CLDN18: variants seen among roughly 807,000 people sequenced by gnomAD.
CLDN18 encodes claudin 18, also known as claudin-18.
A neutral mutation model predicts 25.0 loss-of-function variants in CLDN18; 20 were observed. The ratio of observed to expected loss-of-function variants is 0.80; its 90% confidence interval spans 0.56 to 1.16. The LOEUF (loss-of-function observed/expected upper bound fraction) is 1.16. Among genes scored for constraint, CLDN18 ranks in the 50% most tolerant of loss-of-function variants. The pLI is 0.00. For missense variants in CLDN18, 297 were observed against 345.4 expected (o/e 0.86, Z 1.11); for synonymous variants, 125 against 135.6 (o/e 0.92, Z 0.54).
At chr3:138,012,895 G>A (rs878879647) in intron 1 of CLDN18, among the ~76,000 whole-genome samples, 1 of 152,118 alleles carries the variant, frequency 6.6e-6, no homozygotes, top group African/African-American at 2.4e-5. Context: ...GAGTCAGGAG[G>A]GGAGGAAATC....
chr3:137,999,473 C>T (rs1375944989), intron 1 of CLDN18, among the ~76,000 whole-genome samples: 1 of 152,216 alleles, frequency 6.6e-6, no homozygotes, highest in Non-Finnish European at 1.5e-5. Flanking sequence ...GACTGCCTAT[C>T]TCCTGAACAG....
chr3:138,024,811 C>T, intron 3 of CLDN18, 87 bp downstream of exon 3: 2 of 759,406 alleles, frequency 2.6e-6, no homozygotes, highest in Non-Finnish European at 4.4e-6. Flanking sequence ...ATGTGACTGT[C>T]AGTGCCTGAA....
intron 2 of CLDN18, 137 bp downstream of exon 2, chr3:138,023,959 G>A: frequency 1.2e-6 from 1 of 849,642 alleles, no homozygotes; most frequent in East Asian, 2.7e-5. Context: ...GAGTGTGGAG[G>A]TCCAATTGTG....
upstream of CLDN18, among the ~76,000 whole-genome samples, chr3:138,007,304 C>A (rs1204642736): frequency 6.6e-6 from 1 of 152,134 alleles, no homozygotes; most frequent in African/African-American, 2.4e-5. Context: ...ACCCAAATGC[C>A]CATCAATGAT....
chr3:138,029,920 G>C lies in CLDN18; in HGVS notation c.614+13G>C. 1 of 1,479,908 alleles carries C rather than the reference G, an allele frequency of 6.8e-7. No individual in the cohort carries two copies. The highest frequency in any genetic ancestry group is 1.2e-5 in the South Asian group (1 of 83,868). 91.7% of individuals were successfully genotyped at this position (1,479,908 alleles called of 1,614,324 possible). On this transcript the variant is annotated intron_variant, in intron 4 of 4. Transcript: ENST00000183605. ...CAGAAGAAACCAAGTGAGTCTCCCT[G>C]TTCCGCTGCAACCAGACGTTTTATT...
At chr3:138,001,957 A>G (rs1288214562) in intron 1 of CLDN18, among the ~76,000 whole-genome samples, 2 of 152,222 alleles carry the variant, frequency 1.3e-5, no homozygotes, top group Non-Finnish European at 2.9e-5. Flanking sequence ...TGTGAGAGAT[A>G]GTGTTCATTT....
chr3:138,024,719 G>A lies in CLDN18; in HGVS notation c.498G>A (p.Gln166=), dbSNP rs1332028911. The part of the protein sequence containing the change: ...TGMGGMVQTV[Q]TRYTFGAALF... ...TGGGTGGGATGGTGCAGACTGTTCAGACCAGGTAACCTCCTAATCTAGGTC... is the reference window on the plus strand; with the variant it reads ...TGGGTGGGATGGTGCAGACTGTTCAAACCAGGTAACCTCCTAATCTAGGTC... Residue 166 remains glutamine, a synonymous_variant, in exon 3 of 5, where the codon CAG becomes CAA. Coordinates refer to ENST00000183605, the MANE Select transcript of CLDN18 (RefSeq NM_016369.4). 1.1e-5 allele frequency: 18 copies of A among 1,577,800 alleles called. No homozygotes were observed. The highest frequency in any genetic ancestry group is 5.0e-5 in the Admixed American group (3 of 59,418).
intron 2 of CLDN18, 123 bp from the exon 3 acceptor site, chr3:138,024,484 C>T (rs920027075): frequency 1.5e-6 from 1 of 672,194 alleles, no homozygotes; most frequent in African/African-American, 1.8e-5. Flanking sequence ...ATAATCAATG[C>T]TTGGTTATAG....
chr3:138,008,241 G>A (rs1183102811), upstream of CLDN18, among the ~76,000 whole-genome samples: 1 of 150,292 alleles, frequency 6.7e-6, no homozygotes, highest in East Asian at 2.0e-4. Flanking sequence ...GGGGGTGTGT[G>A]GGGGTGTGTG....
intron 1 of CLDN18, among the ~76,000 whole-genome samples, chr3:138,013,994 G>C (rs985660613): frequency 1.3e-5 from 2 of 151,934 alleles, no homozygotes; most frequent in East Asian, 3.9e-4. Flanking sequence ...GGCCATGGGG[G>C]TGGGGGCGGA....
chr3:138,029,114 C>T (rs1460776783), intron 3 of CLDN18, among the ~76,000 whole-genome samples: 7 of 152,182 alleles, frequency 4.6e-5, no homozygotes, highest in African/African-American at 1.7e-4. Context: ...ATACTGAGAA[C>T]TCAAAGAACT....
At chr3:138,029,352 G>C (rs1382942368) in intron 3 of CLDN18, among the ~76,000 whole-genome samples, 1 of 152,034 alleles carries the variant, frequency 6.6e-6, no homozygotes, top group Non-Finnish European at 1.5e-5. Context: ...CACCATGTTG[G>C]CCAGGCTGCT....
At position 138,023,767 on chromosome 3, in the gene CLDN18, G is replaced by A. The variant is rs777032007; in HGVS notation, c.330G>A (p.Glu110=). ...ALKCIRIGSM[E]DSAKANMTLT... ...AATGCATCCGCATTGGCAGCATGGA[G>A]GACTCTGCCAAAGCCAACATGACAC... The change falls in exon 2 of 5, where the codon GAG becomes GAA. Residue 110 remains glutamate (E), a synonymous_variant. Transcript: ENST00000183605. 1.9e-6 allele frequency: 3 copies of A among 1,614,058 alleles called. No homozygotes were observed. The highest frequency in any genetic ancestry group is 2.5e-6 in the Non-Finnish European group (3 of 1,179,986).
chr3:138,024,537 C>A, intron 2 of CLDN18, 70 bp from the exon 3 acceptor site: 1 of 880,272 alleles, frequency 1.1e-6, no homozygotes, highest in Non-Finnish European at 1.9e-6. Flanking sequence ...CTCATCTAGG[C>A]ATAAACTGCC....
intron 1 of CLDN18, among the ~76,000 whole-genome samples, chr3:138,000,452 A>G (rs1191331114): frequency 6.6e-6 from 1 of 152,200 alleles, no homozygotes; most frequent in Non-Finnish European, 1.5e-5. Flanking sequence ...TGGCGGGAGA[A>G]GAAGGTTTAT....
chr3:138,023,859 G>A (rs781557344), intron 2 of CLDN18, 37 bp downstream of exon 2: 25 of 1,583,438 alleles, frequency 1.6e-5, no homozygotes, highest in Admixed American at 6.9e-5. Flanking sequence ...TTCTGCGAAT[G>A]TCAAAGCAAA....
chr3:138,030,335 C>T (rs1048269274), intron 4 of CLDN18, among the ~76,000 whole-genome samples: 2 of 152,242 alleles, frequency 1.3e-5, no homozygotes, highest in African/African-American at 4.8e-5. Flanking sequence ...TGTGCCACAG[C>T]AAAGAAGCAT....
chr3:138,024,594 T>C lies in CLDN18; in HGVS notation c.386-13T>C, dbSNP rs1942303678. 1.3e-6 allele frequency: 2 copies of C among 1,556,962 alleles called. No homozygotes were observed. The highest frequency in any genetic ancestry group is 2.2e-5 in the South Asian group (2 of 89,618). ...GAAACTAACTCTGGAGTTTTCTTTT[T>C]CTTTGCCCACAGGTCTTTGTGCAAT... On this transcript the variant is annotated splice_polypyrimidine_tract_variant and intron_variant, in intron 2 of 4. Coordinates refer to ENST00000183605, the MANE Select transcript of CLDN18 (RefSeq NM_016369.4).
At chr3:138,002,400 T>C (rs949557944) in intron 1 of CLDN18, among the ~76,000 whole-genome samples, 1 of 152,250 alleles carries the variant, frequency 6.6e-6, no homozygotes, top group Non-Finnish European at 1.5e-5. Flanking sequence ...GTGATGCTAA[T>C]GTACTGACCG....
Sources: allele counts gnomAD v4.1 joint callset (sites outside exome capture counted in the v4.1 genomes callset), GRCh38; gene constraint gnomAD v4.1.1; transcripts MANE v1.5; gene names NCBI Gene and HGNC (gene_info 2026-07-23, HGNC 2026-07-21).